ENGASE: variants seen among roughly 807,000 people sequenced by gnomAD.
ENGASE encodes cytosolic endo-beta-N-acetylglucosaminidase.
ENGASE carries 69 observed loss-of-function variants against 78.5 expected under a neutral mutation model. That is an observed-to-expected ratio of 0.88 (90% confidence interval 0.72 to 1.07). The LOEUF (loss-of-function observed/expected upper bound fraction) is 1.07, where lower values mean the gene tolerates loss of function less well. ENGASE is among the 50% of genes least tolerant of loss of function. The pLI is 0.00. For synonymous variants in ENGASE, 408 were observed against 408.9 expected, an observed-to-expected ratio of 1.00 and a Z score of 0.03; for missense variants, 943 against 988.4, an observed-to-expected ratio of 0.95 and a Z score of 0.62.
intron 7 of ENGASE, chr17:79,082,535 G>A (rs2073172399): frequency 1.6e-6 from 2 of 1,214,552 alleles, no homozygotes; most frequent in Non-Finnish European, 2.1e-6. Context: ...CACCAGCACA[G>A]AGGAAGGAGC....
chr17:79,079,079 T>G (rs1248521480), intron 3 of ENGASE, among the ~76,000 whole-genome samples: 1 of 152,210 alleles, frequency 6.6e-6, no homozygotes, highest in Non-Finnish European at 1.5e-5. Flanking sequence ...CAGGGAGTCT[T>G]GACTGAATGG....
rs373761972 is a variant in ENGASE at position 79,079,494 on chromosome 17, T to C, written c.422T>C (p.Ile141Thr). 2.1e-5 allele frequency: 34 copies of C among 1,612,600 alleles called. No homozygotes were observed. The highest frequency in any genetic ancestry group is 2.4e-5 in the Non-Finnish European group (28 of 1,179,758). The change falls in exon 4 of 14, where the codon ATT (isoleucine) becomes ACT (threonine). Residue 141 changes from isoleucine to threonine, a missense_variant. Transcript: ENST00000579016. ...MMGGYLDDRF[I>T]QGSVVQTPYA... ...TGTTCTGTTTCTTTCCCCAGGTTCA[T>C]TCAGGGCTCGGTGGTGCAGACTCCC... is the stretch of plus-strand genomic sequence containing the variant.
chr17:79,080,226 G>C lies in ENGASE; in HGVS notation c.585G>C (p.Trp195Cys). 3 of 1,606,616 alleles carry C rather than the reference G, an allele frequency of 1.9e-6. No individual in the cohort carries two copies. In the East Asian group the frequency reaches 6.7e-5, roughly 36 times the overall value. Residue 195 changes from tryptophan (W) to cysteine (C), a missense_variant, in exon 5 of 14, where the codon TGG becomes TGC. Trp to Cys is a radical substitution (Grantham distance 215, BLOSUM62 -2). Coordinates refer to ENST00000579016, the MANE Select transcript of ENGASE (RefSeq NM_001042573.3). ...VCVLGTFITE[W>C]NEGGRLCEAF... ...TCACAGGGACTTTCATCACGGAGTGGAATGAAGGGGGAAGGCTCTGTGAAG... is the reference window on the plus strand; with the variant it reads ...TCACAGGGACTTTCATCACGGAGTGCAATGAAGGGGGAAGGCTCTGTGAAG...
At position 79,085,293 on chromosome 17, in the gene ENGASE, A is replaced by G; in HGVS notation, c.1651A>G (p.Arg551Gly). 6.2e-7 allele frequency: 1 copy of G among 1,613,288 alleles called. No homozygotes were observed. The highest frequency in any genetic ancestry group is 2.2e-5 in the East Asian group (1 of 44,866). Residue 551 changes from arginine (R) to glycine (G), a missense_variant, in exon 12 of 14, where the codon AGA (arginine) becomes GGA (glycine). Coordinates refer to ENST00000579016, the MANE Select transcript of ENGASE (RefSeq NM_001042573.3). Reference protein sequence around the residue: ...PLRVPPTKLARWVGRCGRQLS... With the variant: ...PLRVPPTKLAGWVGRCGRQLS... ...CCGGGTGCCCCCCACCAAGCTGGCC[A>G]GATGGGTGGGCCGCTGCGGCCGGCA...
At chr17:79,076,091 G>C (rs558523362) in intron 1 of ENGASE, among the ~76,000 whole-genome samples, 65 of 152,304 alleles carry the variant, frequency 4.3e-4, no homozygotes, top group African/African-American at 1.5e-3. Flanking sequence ...AGTGTTTGGT[G>C]ATGGCAGATG....
rs2073172735 is a variant in ENGASE, at chr17:79,082,548, G to A, written c.1039-472G>A. The A allele has an allele frequency of 4.9e-6, 6 of 1,221,772 alleles. No individual in the cohort carries two copies. The South Asian group carries it at 8.8e-5, about 18-fold the overall frequency. 75.7% of individuals were successfully genotyped at this position (1,221,772 alleles called of 1,614,324 possible). On this transcript the variant is annotated intron_variant, in intron 7 of 13. Transcript: ENST00000579016. ...CACACCAGCACAGAGGAAGGAGCGG[G>A]GCCAGGCCGGTGCCCCTGGCGTGGG...
Position 79,083,212 on chromosome 17 carries a change from G to T in ENGASE, c.1142+89G>T. ...TGATAGGACACGTTTGTGCTCTTTAGTGACCCTTCCTATGGGGGGGTGGTT... is the reference window on the plus strand; with the variant it reads ...TGATAGGACACGTTTGTGCTCTTTATTGACCCTTCCTATGGGGGGGTGGTT... On this transcript the variant is annotated intron_variant, in intron 8 of 13. Transcript: ENST00000579016. This position sits in a 1 kb window ranked among gnomAD's most constrained non-coding sequence, Gnocchi z 4.9. 9.8e-7 allele frequency: 1 copy of T among 1,016,934 alleles called. No homozygotes were observed. Among genetic ancestry groups the T allele is most frequent in the Non-Finnish European group, 1.5e-6 (1 of 671,594 alleles). 63.0% of individuals were successfully genotyped at this position (1,016,934 alleles called of 1,614,324 possible).
intron 13 of ENGASE, 41 bp from the exon 14 acceptor site, chr17:79,085,892 C>T (rs1225448724): frequency 9.5e-6 from 15 of 1,573,958 alleles, no homozygotes; most frequent in Middle Eastern, 1.9e-4. Context: ...CCTCTCCCCG[C>T]CCCCGGGCGT....
chr17:79,086,703 G>T lies in ENGASE; in HGVS notation c.*354G>T. 1 of 407,974 alleles carries T rather than the reference G, an allele frequency of 2.5e-6. No homozygotes were observed. The highest frequency in any genetic ancestry group is 4.7e-6 in the Non-Finnish European group (1 of 214,126). The allele number at this position is 407,974 out of a possible 1,614,324, so 25.3% of individuals were successfully genotyped here. A position where few individuals can be genotyped will look rare whatever the true frequency, so the allele number is the denominator to read the frequency against. On this transcript the variant is annotated 3_prime_UTR_variant, in exon 14 of 14. Coordinates refer to ENST00000579016, the MANE Select transcript of ENGASE (RefSeq NM_001042573.3). Reference sequence around the variant, plus strand: ...ATTTCCTAATAGGCTGCAAGATGCTGATGCCGAGAATGATGATTTTCTTTC... The same window carrying T: ...ATTTCCTAATAGGCTGCAAGATGCTTATGCCGAGAATGATGATTTTCTTTC...
rs565481279 is a variant in ENGASE at position 79,080,993 on chromosome 17, A to G, written c.792A>G (p.Pro264=). 1 of 1,613,026 alleles carries G rather than the reference A, an allele frequency of 6.2e-7. No individual in the cohort carries two copies. ...YLTTQLHRQV[P]GGLVLWYDSV... Reference sequence around the variant, plus strand: ...CCACACAGCTGCACCGGCAGGTCCCAGGGGGCCTGGTGCTCTGGTATGACA... The same window carrying G: ...CCACACAGCTGCACCGGCAGGTCCCGGGGGGCCTGGTGCTCTGGTATGACA... Residue 264 remains proline, a synonymous_variant, in exon 6 of 14, where the codon CCA becomes CCG. Transcript: ENST00000579016.
At chr17:79,085,506 T>TC in intron 12 of ENGASE, 114 bp from the exon 13 acceptor site, 3 of 1,459,836 alleles carry the variant, frequency 2.1e-6, no homozygotes, top group Non-Finnish European at 2.8e-6. Context: ...CGGCCTGGGG[T>TC]CCCCCATGAC....
intron 5 of ENGASE, among the ~76,000 whole-genome samples, 190 bp downstream of exon 5, chr17:79,080,554 C>T (rs951394251): frequency 1.3e-5 from 2 of 152,366 alleles, no homozygotes; most frequent in African/African-American, 2.4e-5. Flanking sequence ...GAATCTCCTC[C>T]GACTGTTTCC....
intron 7 of ENGASE, chr17:79,082,750 C>T: frequency 6.9e-7 from 1 of 1,439,638 alleles, no homozygotes; most frequent in Middle Eastern, 1.8e-4. Context: ...GACAATGGGA[C>T]CGCGCAGCCA....
chr17:79,077,615 C>T, intron 2 of ENGASE, 48 bp from the exon 3 acceptor site: 1 of 1,606,108 alleles, frequency 6.2e-7, no homozygotes, highest in Non-Finnish European at 8.5e-7. Flanking sequence ...TTCGATTAAT[C>T]CTATAATAGT....
At chr17:79,080,424 C>T in intron 5 of ENGASE, 60 bp downstream of exon 5, 3 of 1,585,694 alleles carry the variant, frequency 1.9e-6, no homozygotes, top group South Asian at 1.1e-5. Context: ...CCACCTCCAC[C>T]TCTTTCCTGC....
intron 5 of ENGASE, 91 bp downstream of exon 5, chr17:79,080,455 C>A: frequency 6.1e-6 from 9 of 1,472,030 alleles, no homozygotes; most frequent in Non-Finnish European, 8.3e-6. Context: ...CCTCGCCCCA[C>A]GCCTGGGCTG....
At chr17:79,080,047 A>G (rs995872458) in intron 4 of ENGASE, among the ~76,000 whole-genome samples, 160 bp from the exon 5 acceptor site, 1 of 152,228 alleles carries the variant, frequency 6.6e-6, no homozygotes, top group Non-Finnish European at 1.5e-5. Flanking sequence ...GCTGGTCTGC[A>G]CTGGCAGAGT....
rs1262576929 is a variant in ENGASE at position 79,080,320 on chromosome 17, T to G, written c.679T>G (p.Phe227Val). Residue 227 changes from phenylalanine to valine, a missense_variant, in exon 5 of 14, where the codon TTT becomes GTT. Coordinates refer to ENST00000579016, the MANE Select transcript of ENGASE (RefSeq NM_001042573.3). ...CCGGCTGGTCCAGATCACTCAGTTT[T>G]TTCGTTTTGATGGCTGGCTGATCAA... ...ADRLVQITQF[F>V]RFDGWLINIE... The G allele has an allele frequency of 5.6e-6, 9 of 1,613,830 alleles. No individual in the cohort carries two copies. The highest frequency in any genetic ancestry group is 6.8e-6 in the Non-Finnish European group (8 of 1,180,002).
Position 79,077,417 on chromosome 17 carries a change from C to G in ENGASE, c.147-13C>G, listed in dbSNP as rs2072994137. 6.3e-7 allele frequency: 1 copy of G among 1,596,634 alleles called. No homozygotes were observed. Among genetic ancestry groups the G allele is most frequent in the African/African-American group, 1.4e-5 (1 of 73,942 alleles). ...GTTTTTATTTATAAATGTACAACTC[C>G]CTCTTTGCTTAGCATCAAAGATGAA... On this transcript the variant is annotated splice_polypyrimidine_tract_variant and intron_variant, in intron 1 of 13. Transcript: ENST00000579016.
Sources: gnomAD v4.1 joint callset for allele counts (sites outside exome capture counted in the v4.1 genomes callset) on GRCh38, gnomAD v4.1.1 for gene constraint, Gnocchi (gnomAD v3.1) non-coding constraint, MANE v1.5 for transcripts, NCBI Gene and HGNC (gene_info 2026-07-23, HGNC 2026-07-21) for gene names.